Variants in ENPP3 observed in about 807,000 individuals in gnomAD.
ENPP3 encodes ectonucleotide pyrophosphatase/phosphodiesterase family member 3.
A neutral mutation model predicts 117.8 loss-of-function variants in ENPP3; 104 were observed. The ratio of observed to expected loss-of-function variants is 0.88; its 90% CI spans 0.75 to 1.04. ENPP3 has a LOEUF of 1.04. ENPP3 is among the 50% of genes least tolerant of loss of function. The pLI, the probability that ENPP3 is intolerant of heterozygous loss-of-function variation, is 0.00. For synonymous variants in ENPP3, 380 were observed against 349.9 expected, an observed-to-expected ratio of 1.09 and a Z score of -0.96; for missense variants, 1,026 against 1,051.9, an observed-to-expected ratio of 0.98 and a Z score of 0.34.
intron 6 of ENPP3, among the ~76,000 whole-genome samples, chr6:131,663,612 T>C (rs2114352174): frequency 6.6e-6 from 1 of 151,448 alleles, no homozygotes; most frequent in African/African-American, 2.4e-5. Flanking sequence ...AAGGATCCCT[T>C]GAGCCTAGGA....
intron 12 of ENPP3, among the ~76,000 whole-genome samples, chr6:131,684,802 T>G (rs932231028): frequency 3.3e-5 from 5 of 152,224 alleles, no homozygotes; most frequent in Non-Finnish European, 7.3e-5. Flanking sequence ...ACTTTTTTTT[T>G]GAGACAGAAT....
At chr6:131,643,665 T>A (rs1778098634) in intron 2 of ENPP3, among the ~76,000 whole-genome samples, 2 of 152,318 alleles carry the variant, frequency 1.3e-5, no homozygotes, top group Middle Eastern at 3.4e-3. Flanking sequence ...GTATTTTTTC[T>A]AATGTGAGTT....
At position 131,671,324 on chromosome 6, in the gene ENPP3, C is replaced by G. The variant is rs1202946242; in HGVS notation, c.639C>G (p.Val213=). Residue 213 remains valine (V), a synonymous_variant, in exon 7 of 25, where the codon GTC becomes GTG. Coordinates refer to ENST00000357639, the MANE Select transcript of ENPP3 (RefSeq NM_005021.5). ...CCTTCCCAAATCATTACACCATTGT[C>G]ACGGTAAGTGCTTGACCCAGTGGTA... ...TKTFPNHYTI[V]TGLYPESHGI... is the part of the protein sequence containing the mutation. 1 of 1,585,378 alleles carries G rather than the reference C, an allele frequency of 6.3e-7. No individual in the cohort carries two copies.
intron 5 of ENPP3, among the ~76,000 whole-genome samples, chr6:131,654,886 G>C (rs953852809): frequency 2.6e-5 from 4 of 152,178 alleles, no homozygotes; most frequent in African/African-American, 9.7e-5. Context: ...TAAAGGATTA[G>C]AATAAAATGA....
intron 5 of ENPP3, among the ~76,000 whole-genome samples, chr6:131,654,497 C>A (rs1778341193): frequency 6.6e-6 from 1 of 151,870 alleles, no homozygotes; most frequent in African/African-American, 2.4e-5. Context: ...GGTTGGAGTG[C>A]AGTGGCGTGA....
intron 5 of ENPP3, among the ~76,000 whole-genome samples, chr6:131,657,446 T>C (rs1778409729): frequency 6.6e-6 from 1 of 152,170 alleles, no homozygotes; most frequent in African/African-American, 2.4e-5. Flanking sequence ...GTCGGAAACC[T>C]AATAACTTTC....
At chr6:131,644,943 C>T (rs904394625) in intron 2 of ENPP3, among the ~76,000 whole-genome samples, 8 of 152,164 alleles carry the variant, frequency 5.3e-5, no homozygotes, top group Admixed American at 3.3e-4. Context: ...TATGAAAAAA[C>T]GTAAAGACCA....
In ENPP3 at chr6:131,652,506, C is replaced by G. The variant is rs772902225; in HGVS notation, c.278-36C>G. On this transcript the variant is annotated intron_variant, in intron 3 of 24. Coordinates refer to ENST00000357639, the MANE Select transcript of ENPP3 (RefSeq NM_005021.5). ...AAATTTGTATATTTTATACTGCAGG[C>G]TTAAATGCTCAGAACTGAATTGTAT... 8.1e-6 allele frequency: 13 copies of G among 1,607,790 alleles called. No individual in the cohort carries two copies. The Admixed American group carries it at 1.0e-4, about 12-fold the overall frequency.
intron 19 of ENPP3, among the ~76,000 whole-genome samples, chr6:131,725,129 GGTA>G (rs1780127562): frequency 6.6e-6 from 1 of 152,164 alleles, no homozygotes; most frequent in African/African-American, 2.4e-5. Flanking sequence ...AGGAGGCTGA[GGTA>G]GGAGAATCAC....
rs115686175 is a variant in ENPP3, at chr6:131,667,217, G to A, written c.563-4031G>A. On this transcript the variant is annotated intron_variant, in intron 6 of 24. Coordinates refer to ENST00000357639, the MANE Select transcript of ENPP3 (RefSeq NM_005021.5). Reference sequence around the variant, plus strand: ...GGTGACTAATATGCTACATCAAACCGGTGTGTTTTTTTCTCACTGGCCCCC... The same window carrying A: ...GGTGACTAATATGCTACATCAAACCAGTGTGTTTTTTTCTCACTGGCCCCC... Among the ~76,000 whole-genome samples the A allele has an allele frequency of 2.3e-3, 345 of 151,956 alleles. 2 individuals carry two copies. Among genetic ancestry groups the A allele is most frequent in the African/African-American group, 7.9e-3 (326 of 41,418 alleles).
At chr6:131,670,126 A>G (rs1778707425) in intron 6 of ENPP3, among the ~76,000 whole-genome samples, 1 of 152,256 alleles carries the variant, frequency 6.6e-6, no homozygotes, top group South Asian at 2.1e-4. Context: ...TGTGAAACAC[A>G]GATCACAGGA....
intron 14 of ENPP3, among the ~76,000 whole-genome samples, chr6:131,688,226 G>A (rs138365805): frequency 2.6e-5 from 4 of 152,224 alleles, no homozygotes; most frequent in Non-Finnish European, 4.4e-5. Flanking sequence ...TATTACATGC[G>A]TGCTGATTGC....
At chr6:131,651,666 G>C (rs1159421702) in intron 3 of ENPP3, among the ~76,000 whole-genome samples, 1 of 152,092 alleles carries the variant, frequency 6.6e-6, no homozygotes, top group Non-Finnish European at 1.5e-5. Flanking sequence ...AGGTGGTGGT[G>C]GGGGGGTGTC....
intron 21 of ENPP3, among the ~76,000 whole-genome samples, chr6:131,736,593 T>C (rs1017621030): frequency 1.2e-4 from 18 of 151,930 alleles, no homozygotes; most frequent in Admixed American, 3.9e-4. Flanking sequence ...CAAGATGAGA[T>C]TGGGGGGGAC....
intron 11 of ENPP3, among the ~76,000 whole-genome samples, chr6:131,682,409 G>A (rs1779041969): frequency 6.6e-6 from 1 of 152,080 alleles, no homozygotes; most frequent in South Asian, 2.1e-4. Flanking sequence ...CAGGAGGATT[G>A]CTTTAGTCCA....
intron 14 of ENPP3, among the ~76,000 whole-genome samples, chr6:131,689,948 T>C (rs1482754591): frequency 6.6e-6 from 1 of 152,042 alleles, no homozygotes; most frequent in Non-Finnish European, 1.5e-5. Flanking sequence ...GTGGTAAAAA[T>C]AGAAAGAGAA....
chr6:131,722,430 T>A (rs763639230), intron 18 of ENPP3, 25 bp downstream of exon 18: 1 of 1,602,472 alleles, frequency 6.2e-7, no homozygotes, highest in Admixed American at 1.7e-5. Context: ...CATGCATCCA[T>A]AAGAACGTAA....
chr6:131,655,896 C>T (rs1778374729), intron 5 of ENPP3, among the ~76,000 whole-genome samples: 1 of 152,152 alleles, frequency 6.6e-6, no homozygotes. Context: ...CCCTCATTCT[C>T]TTTATTCCAT....
intron 6 of ENPP3, among the ~76,000 whole-genome samples, chr6:131,668,387 G>A (rs1351146355): frequency 6.6e-6 from 1 of 151,660 alleles, no homozygotes; most frequent in Non-Finnish European, 1.5e-5. Context: ...GCTAATTTTT[G>A]TATTTTTATT....
Sources: gnomAD v4.1 joint callset for allele counts (sites outside exome capture counted in the v4.1 genomes callset) on GRCh38, gnomAD v4.1.1 for gene constraint, MANE v1.5 for transcripts, NCBI Gene and HGNC (gene_info 2026-07-23, HGNC 2026-07-21) for gene names.